Variants in SV2C observed in about 807,000 individuals in gnomAD.
SV2C encodes synaptic vesicle glycoprotein 2C, also known as solute carrier family 22 member B3.
SV2C carries 49 observed loss-of-function variants against 79.7 expected under a neutral mutation model. That is an observed-to-expected ratio of 0.61 (90% CI 0.49 to 0.78). The LOEUF is 0.78. Among genes scored for constraint, SV2C ranks in the 30% least tolerant of loss-of-function variants. SV2C has a pLI of 0.00. For synonymous variants in SV2C, 334 were observed against 333.2 expected, an observed-to-expected ratio of 1.00 and a Z score of -0.03; for missense variants, 833 against 912.9, an observed-to-expected ratio of 0.91 and a Z score of 1.13.
chr5:76,320,503 T>C (rs570943231), intron 12 of SV2C, among the ~76,000 whole-genome samples: 3 of 152,230 alleles, frequency 2.0e-5, no homozygotes, highest in Non-Finnish European at 1.5e-5. Context: ...AAGAAGTTAC[T>C]AGTGGAAACT....
At chr5:76,140,883 T>G (rs1462913426) in intron 2 of SV2C, among the ~76,000 whole-genome samples, 2 of 152,212 alleles carry the variant, frequency 1.3e-5, no homozygotes, top group African/African-American at 2.4e-5. Context: ...GTATGCACCC[T>G]CTGTCTCTGT....
the SV2C span, among the ~76,000 whole-genome samples, chr5:75,860,542 C>G: frequency 6.6e-6 from 1 of 152,162 alleles, no homozygotes; most frequent in African/African-American, 2.4e-5. Flanking sequence ...CAATGCTATT[C>G]CGATTCAACT....
At chr5:76,056,297 T>C in the SV2C span, among the ~76,000 whole-genome samples, 3 of 152,214 alleles carry the variant, frequency 2.0e-5, no homozygotes, top group Admixed American at 1.3e-4. Flanking sequence ...AGTACGTTTA[T>C]TGAAGTGTGC....
intron 12 of SV2C, among the ~76,000 whole-genome samples, chr5:76,306,798 G>A (rs770543729): frequency 1.3e-5 from 2 of 152,202 alleles, no homozygotes; most frequent in Non-Finnish European, 2.9e-5. Context: ...ATATAAAAAT[G>A]CTCAGCTTCA....
At chr5:76,093,922 C>T (rs1747461340) in intron 1 of SV2C, among the ~76,000 whole-genome samples, 1 of 152,116 alleles carries the variant, frequency 6.6e-6, no homozygotes, top group African/African-American at 2.4e-5. Flanking sequence ...CATTATATTA[C>T]CCGTTGCCCT....
intron 12 of SV2C, among the ~76,000 whole-genome samples, chr5:76,351,135 C>T (rs1284210080): frequency 6.6e-6 from 1 of 152,136 alleles, no homozygotes; most frequent in East Asian, 1.9e-4. Context: ...TGGAGGCGGC[C>T]ATTGACCTGA....
chr5:76,312,487 A>C (rs1323387195), intron 12 of SV2C, among the ~76,000 whole-genome samples: 1 of 152,118 alleles, frequency 6.6e-6, no homozygotes, highest in African/African-American at 2.4e-5. Context: ...TCCTGACCTC[A>C]AGTGATCTGC....
chr5:76,280,488 C>T (rs4566770), intron 4 of SV2C, among the ~76,000 whole-genome samples: 26,046 of 152,178 alleles, frequency 0.17, 2,597 homozygotes, highest in African/African-American at 0.26. Flanking sequence ...TGGAATCATG[C>T]TGCAATCAGT....
At chr5:76,180,157 C>T (rs1479178250) in intron 2 of SV2C, among the ~76,000 whole-genome samples, 3 of 152,122 alleles carry the variant, frequency 2.0e-5, no homozygotes, top group Non-Finnish European at 4.4e-5. Context: ...TGTTGCTGTA[C>T]AATATCAAAA....
chr5:76,209,421 C>T (rs948356410), intron 3 of SV2C, among the ~76,000 whole-genome samples: 5 of 152,122 alleles, frequency 3.3e-5, no homozygotes, highest in Non-Finnish European at 7.4e-5. Flanking sequence ...ATAAATATCA[C>T]ACAAAACACA....
In SV2C at chr5:76,149,762, T is replaced by G. The variant is rs1749544839; in HGVS notation, c.580+17432T>G. Among the ~76,000 whole-genome samples the G allele has an allele frequency of 2.6e-5, 4 of 152,340 alleles. No homozygotes were observed. In the South Asian group the frequency reaches 8.3e-4, roughly 32 times the overall value. On this transcript the variant is annotated intron_variant, in intron 2 of 12. Coordinates refer to ENST00000502798, the MANE Select transcript of SV2C (RefSeq NM_014979.4). ...GATATTGGCTTATTTATGCTGGTCT[T>G]TCTTTCTTATACACAGTGGGGGGAC... is the stretch of plus-strand genomic sequence containing the variant.
rs565102746 is a variant in SV2C at position 76,329,306 on chromosome 5, C to T, written c.*3759C>T. 4 of 152,238 alleles carry T rather than the reference C, an allele frequency of 2.6e-5. No homozygotes were observed. Among genetic ancestry groups the T allele is most frequent in the East Asian group, 1.9e-4 (1 of 5,180 alleles). The allele number at this position is 152,238 out of a possible 1,614,324, so 9.4% of individuals were successfully genotyped here. On this transcript the variant is annotated 3_prime_UTR_variant, in exon 13 of 13. Coordinates refer to ENST00000502798, the MANE Select transcript of SV2C (RefSeq NM_014979.4). ...AGGGCCCCGCCTTGCCAGATAAACG[C>T]GCTTAGGTTAGAAGACTATAATTGC...
At position 76,132,016 on chromosome 5, in the gene SV2C, A is replaced by G. The variant is rs190071386; in HGVS notation, c.266A>G (p.Tyr89Cys). ...GGGCATGATGAAGATGATGAGATCT[A>G]TGAGGGGGAGTATCAGGGCATCCCC... ...TEGHDEDDEI[Y>C]EGEYQGIPSM... is the part of the protein sequence containing the mutation. The change falls in exon 2 of 13, where the codon TAT (tyrosine) becomes TGT (cysteine). Residue 89 changes from tyrosine (Y) to cysteine (C), a missense_variant. Coordinates refer to ENST00000502798, the MANE Select transcript of SV2C (RefSeq NM_014979.4). 4.2e-5 allele frequency: 68 copies of G among 1,613,360 alleles called. No individual in the cohort carries two copies. The African/African-American group carries it at 5.2e-4, about 12-fold the overall frequency.
At chr5:76,241,498 T>C (rs544489729) in intron 4 of SV2C, among the ~76,000 whole-genome samples, 406 of 152,344 alleles carry the variant, frequency 2.7e-3, no homozygotes, top group African/African-American at 9.4e-3. Flanking sequence ...AGAATTTATC[T>C]GAAGATCCAT....
chr5:76,336,525 G>A (rs1283587762), downstream of SV2C, among the ~76,000 whole-genome samples: 1 of 152,160 alleles, frequency 6.6e-6, no homozygotes, highest in African/African-American at 2.4e-5. Flanking sequence ...TCGGCACCCC[G>A]GGAGGCCAAG....
chr5:76,122,580 T>C (rs369646351), intron 1 of SV2C, among the ~76,000 whole-genome samples: 5,755 of 152,058 alleles, frequency 0.038, 358 homozygotes, highest in African/African-American at 0.13. Context: ...CACTCAAAAC[T>C]GCTCAACTAC....
At chr5:76,142,075 G>T (rs1749273406) in intron 2 of SV2C, among the ~76,000 whole-genome samples, 1 of 152,108 alleles carries the variant, frequency 6.6e-6, no homozygotes, top group Non-Finnish European at 1.5e-5. Flanking sequence ...TTCAGTGTAA[G>T]AAACTGTTCA....
the SV2C span, among the ~76,000 whole-genome samples, chr5:75,961,163 C>T: frequency 6.6e-6 from 1 of 152,006 alleles, no homozygotes; most frequent in Non-Finnish European, 1.5e-5. Flanking sequence ...ATGATAAATA[C>T]ATGGTAAGCT....
At chr5:76,344,742 A>G (rs1003518752) in intron 12 of SV2C, among the ~76,000 whole-genome samples, 8 of 152,216 alleles carry the variant, frequency 5.3e-5, no homozygotes, top group African/African-American at 1.9e-4. Flanking sequence ...TTAAAAAATT[A>G]TTTTATGACA....
Sources: allele counts gnomAD v4.1 joint callset (sites outside exome capture counted in the v4.1 genomes callset), GRCh38; gene constraint gnomAD v4.1.1; transcripts MANE v1.5; gene names NCBI Gene and HGNC (gene_info 2026-07-23, HGNC 2026-07-21).